NTM: variants seen among roughly 807,000 people sequenced by gnomAD.
The protein encoded by NTM is neurotrimin, also known as IgLON family member 2.
NTM carries 13 observed loss-of-function variants against 42.1 expected under a neutral mutation model. The ratio of observed to expected loss-of-function variants is 0.31; its 90% CI spans 0.20 to 0.49. The LOEUF (loss-of-function observed/expected upper bound fraction) is 0.49. NTM is among the 20% of genes least tolerant of loss of function. The pLI, the probability that NTM is intolerant of heterozygous loss-of-function variation, is 0.99. For missense variants in NTM, 373 were observed against 452.8 expected (o/e 0.82, Z 1.60); for synonymous variants, 187 against 179.2 (o/e 1.04, Z -0.35).
chr11:131,728,547 G>A (rs574823816), intron 1 of NTM, among the ~76,000 whole-genome samples: 75 of 152,260 alleles, frequency 4.9e-4, no homozygotes, highest in Non-Finnish European at 7.9e-4. Flanking sequence ...GATTTTTGTG[G>A]AGGCTTCATT....
chr11:131,538,813 G>A (rs2052692253), intron 1 of NTM, among the ~76,000 whole-genome samples: 1 of 151,814 alleles, frequency 6.6e-6, no homozygotes, highest in South Asian at 2.1e-4. Flanking sequence ...ACAGCATGGG[G>A]ACTACAGTTA....
chr11:131,465,281 G>A (rs185211677), intron 1 of NTM, among the ~76,000 whole-genome samples: 15 of 152,292 alleles, frequency 9.8e-5, no homozygotes, highest in African/African-American at 2.9e-4. Flanking sequence ...ACCTGCGGGT[G>A]CCTCCGTCCT....
chr11:131,705,413 C>G (rs570003321), intron 1 of NTM, among the ~76,000 whole-genome samples: 3 of 152,172 alleles, frequency 2.0e-5, no homozygotes, highest in Admixed American at 1.3e-4. Context: ...TAAAGACTTA[C>G]CCAGACAAAT....
intron 1 of NTM, among the ~76,000 whole-genome samples, chr11:131,894,204 A>T (rs532800581): frequency 4.6e-5 from 7 of 152,324 alleles, no homozygotes; most frequent in East Asian, 3.9e-4. Flanking sequence ...ACCGCCAGCC[A>T]CATGCTTGCC....
intron 1 of NTM, among the ~76,000 whole-genome samples, chr11:131,845,086 C>T (rs2136724475): frequency 6.6e-6 from 1 of 152,270 alleles, no homozygotes; most frequent in Middle Eastern, 3.4e-3. Flanking sequence ...TTGCCATATA[C>T]TTTTGGTGAA....
chr11:131,972,063 A>AAAAAAAAAAAAAC (rs2063634249), intron 2 of NTM, among the ~76,000 whole-genome samples: 1 of 147,586 alleles, frequency 6.8e-6, no homozygotes, highest in Admixed American at 6.8e-5. Context: ...AAAAAAAAAA[A>AAAAAAAAAAAAAC]TTAGCCAGGT....
intron 7 of NTM, among the ~76,000 whole-genome samples, chr11:132,327,951 G>A (rs1262206643): frequency 6.6e-6 from 1 of 151,932 alleles, no homozygotes; most frequent in Non-Finnish European, 1.5e-5. Flanking sequence ...TGAAGTCTTG[G>A]TGTGGAAAAC....
intron 1 of NTM, among the ~76,000 whole-genome samples, chr11:131,599,720 C>T (rs1163518158): frequency 6.6e-6 from 1 of 152,170 alleles, no homozygotes; most frequent in African/African-American, 2.4e-5. Flanking sequence ...CTGTGATAGG[C>T]AAGGGACAGG....
intron 2 of NTM, among the ~76,000 whole-genome samples, chr11:132,142,726 C>G (rs1004051319): frequency 2.0e-5 from 3 of 152,126 alleles, no homozygotes; most frequent in African/African-American, 7.2e-5. Context: ...AGAACCGCAG[C>G]TGGAACTGTG....
intron 2 of NTM, among the ~76,000 whole-genome samples, chr11:132,046,254 C>T (rs58975813): frequency 0.012 from 1,835 of 152,208 alleles, 41 homozygotes; most frequent in African/African-American, 0.042. Context: ...GCTATTTTGT[C>T]ATTATTGCTA....
chr11:131,995,877 G>A (rs1232211739), intron 2 of NTM, among the ~76,000 whole-genome samples: 2 of 152,084 alleles, frequency 1.3e-5, no homozygotes, highest in African/African-American at 4.8e-5. Context: ...ATTAAGGCAG[G>A]TAAGGGAGCA....
At chr11:131,417,998 C>A (rs1308319051) in intron 1 of NTM, among the ~76,000 whole-genome samples, 1 of 152,150 alleles carries the variant, frequency 6.6e-6, no homozygotes, top group Non-Finnish European at 1.5e-5. Context: ...TTTCTCTGAG[C>A]TATTGGCAGT....
At chr11:131,982,587 C>T (rs2065424788) in intron 2 of NTM, among the ~76,000 whole-genome samples, 1 of 151,980 alleles carries the variant, frequency 6.6e-6, no homozygotes, top group Admixed American at 6.6e-5. Context: ...TGTATGTGCC[C>T]TTTAAAGCAA....
At chr11:131,763,524 G>T (rs984965006) in intron 1 of NTM, among the ~76,000 whole-genome samples, 1 of 151,980 alleles carries the variant, frequency 6.6e-6, no homozygotes, top group Non-Finnish European at 1.5e-5. Flanking sequence ...CAGTTTAGGG[G>T]ATTATATTAT....
intron 1 of NTM, among the ~76,000 whole-genome samples, chr11:131,608,999 A>G (rs2061244024): frequency 6.6e-6 from 1 of 152,244 alleles, no homozygotes; most frequent in African/African-American, 2.4e-5. Flanking sequence ...TTTCTTAAAC[A>G]CCAGGGGAGC....
intron 1 of NTM, among the ~76,000 whole-genome samples, chr11:131,491,335 A>G (rs1954766398): frequency 1.3e-5 from 2 of 152,298 alleles, no homozygotes; most frequent in South Asian, 4.1e-4. Flanking sequence ...CTAAGAATAT[A>G]GGAAAATATT....
At chr11:132,220,250 A>C (rs1388698080) in intron 4 of NTM, among the ~76,000 whole-genome samples, 1 of 152,236 alleles carries the variant, frequency 6.6e-6, no homozygotes, top group Non-Finnish European at 1.5e-5. Context: ...AAAAGTGTCC[A>C]GGAACTCCTT....
At chr11:131,744,199 A>G (rs1013560446) in intron 1 of NTM, among the ~76,000 whole-genome samples, 3 of 152,184 alleles carry the variant, frequency 2.0e-5, no homozygotes, top group African/African-American at 7.2e-5. Context: ...TTAATTTGTT[A>G]GTGTTTGTAA....
chr11:132,172,525 G>T (rs750318448), intron 3 of NTM, among the ~76,000 whole-genome samples: 70 of 152,262 alleles, frequency 4.6e-4, no homozygotes, highest in South Asian at 1.2e-3. Flanking sequence ...AAATGCTTTG[G>T]CCTGTGAAAG....
Sources: allele counts gnomAD v4.1 joint callset (sites outside exome capture counted in the v4.1 genomes callset), GRCh38; gene constraint gnomAD v4.1.1; transcripts MANE v1.5; gene names NCBI Gene and HGNC (gene_info 2026-07-23, HGNC 2026-07-21).